The following DENND3 variants were observed in gnomAD, a reference collection of about 807,000 sequenced individuals.
The protein encoded by DENND3 is DENN domain containing 3, also known as DENN domain-containing protein 3.
A neutral mutation model predicts 135.1 loss-of-function variants in DENND3; 88 were observed. That is an observed-to-expected ratio of 0.65 (90% CI 0.55 to 0.78). The LOEUF (loss-of-function observed/expected upper bound fraction) is 0.78. Ranked by LOEUF, DENND3 falls within the 30% of genes least tolerant of loss-of-function variation. The pLI, the probability that DENND3 is intolerant of heterozygous loss-of-function variation, is 0.00. For synonymous variants in DENND3, 693 were observed against 712.3 expected (o/e 0.97, Z 0.43); for missense variants, 1,392 against 1,688.4 (o/e 0.82, Z 3.08).
chr8:141,147,715 C>T (rs930767670), intron 5 of DENND3, among the ~76,000 whole-genome samples: 3 of 152,188 alleles, frequency 2.0e-5, no homozygotes, highest in Non-Finnish European at 2.9e-5. Flanking sequence ...GTTTAATGTT[C>T]GTCTCCCCCA....
chr8:141,192,861 T>G (rs1327396195), intron 22 of DENND3, 198 bp downstream of exon 22: 1 of 1,531,408 alleles, frequency 6.5e-7, no homozygotes, highest in Non-Finnish European at 8.7e-7. Flanking sequence ...CATGGTGTGG[T>G]CCAAGCACTC....
chr8:141,173,119 C>T (rs1821862396), intron 13 of DENND3, among the ~76,000 whole-genome samples: 2 of 150,620 alleles, frequency 1.3e-5, no homozygotes, highest in African/African-American at 2.5e-5. Context: ...GGTACAGAGT[C>T]AGGAGAGGAC....
Position 141,166,891 on chromosome 8 carries a change from G to A in DENND3, c.1753+502G>A, listed in dbSNP as rs1280324381. ...ATTTCCACAGAGATGGGACTGCATG[G>A]AGAGGCCAAGCCCAGCCTCGCGCCT... is the stretch of plus-strand genomic sequence containing the variant. On this transcript the variant is annotated intron_variant, in intron 12 of 22. Coordinates refer to ENST00000519811, the MANE Select transcript of DENND3 (RefSeq NM_001352890.3). The surrounding 1 kb of genome is among the most constrained non-coding windows in gnomAD (Gnocchi z 4.3). 1.3e-5 allele frequency among the ~76,000 whole-genome samples: 2 copies of A among 152,196 alleles called. No individual in the cohort carries two copies. The highest frequency in any genetic ancestry group is 6.5e-5 in the Admixed American group (1 of 15,284).
At position 141,174,169 on chromosome 8, in the gene DENND3, G is replaced by A. The variant is rs924526437; in HGVS notation, c.2276-1031G>A. Among the ~76,000 whole-genome samples the A allele has an allele frequency of 1.3e-5, 2 of 152,198 alleles. No individual in the cohort carries two copies. Among genetic ancestry groups the A allele is most frequent in the African/African-American group, 4.8e-5 (2 of 41,438 alleles). On this transcript the variant is annotated intron_variant, in intron 13 of 22. Coordinates refer to ENST00000519811, the MANE Select transcript of DENND3 (RefSeq NM_001352890.3). This position sits in a 1 kb window ranked among gnomAD's most constrained non-coding sequence, Gnocchi z 4.6. ...GGAGCATGCTTGGTACGGCTGGGCT[G>A]TGGGGTGGGTAGGTGGGGCCCAATC...
At position 141,178,219 on chromosome 8, in the gene DENND3, G is replaced by A. The variant is rs138519538; in HGVS notation, c.2836+23G>A. On this transcript the variant is annotated intron_variant, in intron 16 of 22. Transcript: ENST00000519811. ...AAAGTAAGATAAGCCCGTTCTTAGC[G>A]TGGATCATTGTCCTGATTACACGCC... is the stretch of plus-strand genomic sequence containing the variant. The A allele has an allele frequency of 4.8e-3, 7,740 of 1,600,074 alleles. 53 individuals are homozygous for A. Among genetic ancestry groups the A allele is most frequent in the Middle Eastern group, 0.026 (154 of 6,022 alleles).
rs1820804611 is a variant in DENND3, at chr8:141,166,419, G to A, written c.1753+30G>A. 7 of 1,590,170 alleles carry A rather than the reference G, an allele frequency of 4.4e-6. No homozygotes were observed. Among genetic ancestry groups the A allele is most frequent in the Non-Finnish European group, 6.0e-6 (7 of 1,169,822 alleles). On this transcript the variant is annotated intron_variant, in intron 12 of 22. Coordinates refer to ENST00000519811, the MANE Select transcript of DENND3 (RefSeq NM_001352890.3). This position sits in a 1 kb window ranked among gnomAD's most constrained non-coding sequence, Gnocchi z 4.3. ...GGGCTGCCCCCCACTGTGGTGCTGT[G>A]TGTCGGTCCCACCATTCCTGCACCT...
intron 15 of DENND3, chr8:141,176,987 G>A (rs928976689): frequency 3.5e-5 from 19 of 546,998 alleles, no homozygotes; most frequent in African/African-American, 3.4e-4. Flanking sequence ...ATGAGAAAAC[G>A]CAGGGCGGTC....
At chr8:141,142,651 T>C (rs1234476798) in intron 4 of DENND3, 3 of 283,076 alleles carry the variant, frequency 1.1e-5, no homozygotes, top group African/African-American at 4.7e-5. Context: ...ATTGAGCACA[T>C]GCATGTTTGT....
intron 20 of DENND3, 152 bp from the exon 21 acceptor site, chr8:141,192,179 A>G (rs985043882): frequency 5.1e-5 from 51 of 997,150 alleles, no homozygotes; most frequent in Non-Finnish European, 6.9e-5. Flanking sequence ...TTTTCCCAGT[A>G]GACCTCACCT....
In DENND3 at chr8:141,134,955, C is replaced by T. The variant is rs139805251; in HGVS notation, c.103-1554C>T. Among the ~76,000 whole-genome samples the T allele has an allele frequency of 5.6e-3, 856 of 152,064 alleles. 9 individuals are homozygous for T. Among genetic ancestry groups the T allele is most frequent in the African/African-American group, 0.019 (780 of 41,482 alleles). On this transcript the variant is annotated intron_variant, in intron 1 of 22. Coordinates refer to ENST00000519811, the MANE Select transcript of DENND3 (RefSeq NM_001352890.3). ...ATGCCATTCTCCTGCCTCAGCCCCC[C>T]GCCCGGCCGAGTAGCTGGGACTGCA...
intron 19 of DENND3, 26 bp from the exon 20 acceptor site, chr8:141,190,258 T>G (rs1824540058): frequency 1.4e-6 from 2 of 1,465,372 alleles, no homozygotes; most frequent in African/African-American, 1.4e-5. Context: ...AAGTTAAAGG[T>G]GTGTGTGTGT....
At position 141,182,190 on chromosome 8, in the gene DENND3, CT is replaced by C; in HGVS notation, c.2944+1337del. On this transcript the variant is annotated intron_variant, in intron 17 of 22. Coordinates refer to ENST00000519811, the MANE Select transcript of DENND3 (RefSeq NM_001352890.3). This position sits in a 1 kb window ranked among gnomAD's most constrained non-coding sequence, Gnocchi z 5.9. ...GGGATGCAGATGTAGGTGTCACCCC[CT>C]CTCACAGGCCATGTCCGCGGCTTCA... 1 of 456,860 alleles carries C rather than the reference CT, an allele frequency of 2.2e-6. No individual in the cohort carries two copies. Among genetic ancestry groups the C allele is most frequent in the Non-Finnish European group, 2.9e-6 (1 of 346,998 alleles). The allele number at this position is 456,860 out of a possible 1,614,324, so 28.3% of individuals were successfully genotyped here. A position where few individuals can be genotyped will look rare whatever the true frequency, so the allele number is the denominator to read the frequency against.
At chr8:141,132,847 G>A (rs1204626718) in intron 1 of DENND3, among the ~76,000 whole-genome samples, 1 of 152,314 alleles carries the variant, frequency 6.6e-6, no homozygotes, top group East Asian at 1.9e-4. Flanking sequence ...AGTCTAGTGT[G>A]ATCACCAGTG....
At chr8:141,161,449 A>T (rs1475522989) in intron 9 of DENND3, among the ~76,000 whole-genome samples, 1 of 152,250 alleles carries the variant, frequency 6.6e-6, no homozygotes, top group African/African-American at 2.4e-5. Context: ...GGTTAAGTGG[A>T]CAAGTCAAGT....
chr8:141,171,076 T>C (rs536931251), intron 13 of DENND3, among the ~76,000 whole-genome samples: 1 of 152,312 alleles, frequency 6.6e-6, no homozygotes, highest in East Asian at 1.9e-4. Context: ...AGTGGCCCTG[T>C]TGTCACTTTG....
rs1421076811 is a variant in DENND3 at position 141,168,102 on chromosome 8, G to A, written c.1852G>A (p.Val618Ile). The change falls in exon 13 of 23, where the codon GTC becomes ATC. Residue 618 changes from valine (V) to isoleucine (I), a missense_variant. Transcript: ENST00000519811. This position sits in a 1 kb window ranked among gnomAD's most constrained non-coding sequence, Gnocchi z 6.2. ...KCVQAYHAHF[V>I]SMLSEAMCFL... ...CGTGCAGGCATACCATGCCCACTTT[G>A]TCTCCATGCTGAGCGAGGCCATGTG... 1 of 1,614,184 alleles carries A rather than the reference G, an allele frequency of 6.2e-7. No homozygotes were observed. Among genetic ancestry groups the A allele is most frequent in the Non-Finnish European group, 8.5e-7 (1 of 1,180,044 alleles).
chr8:141,166,462 A>C lies in DENND3; in HGVS notation c.1753+73A>C. The C allele has an allele frequency of 6.7e-7, 1 of 1,492,830 alleles. No individual in the cohort carries two copies. The highest frequency in any genetic ancestry group is 9.0e-7 in the Non-Finnish European group (1 of 1,109,462). 92.5% of individuals were successfully genotyped at this position (1,492,830 alleles called of 1,614,324 possible). The stretch of plus-strand genomic sequence containing the variant: ...CTGCACCTGCAAGTCATTGAGCAAA[A>C]CTGGGACTTGTTTCAGGAGAGACGA... On this transcript the variant is annotated intron_variant, in intron 12 of 22. Coordinates refer to ENST00000519811, the MANE Select transcript of DENND3 (RefSeq NM_001352890.3). This position sits in a 1 kb window ranked among gnomAD's most constrained non-coding sequence, Gnocchi z 4.3.
chr8:141,147,400 C>T (rs1818282764), intron 5 of DENND3, among the ~76,000 whole-genome samples: 1 of 152,374 alleles, frequency 6.6e-6, no homozygotes, highest in South Asian at 2.1e-4. Flanking sequence ...GCAGCCTGGA[C>T]CCTGTCTCAC....
chr8:141,160,673 A>G lies in DENND3; in HGVS notation c.1238A>G (p.His413Arg). ...LQLHHELHAAHLLSSTDLKEG... is the reference protein window; with the variant it reads ...LQLHHELHAARLLSSTDLKEG... ...CTCCACCATGAGCTGCACGCCGCCC[A>G]CCTCCTCTCCAGCACAGACCTGAAG... The change falls in exon 9 of 23, where the codon CAC becomes CGC. Residue 413 changes from histidine to arginine, a missense_variant. Physicochemically the swap from His to Arg is conservative, Grantham distance 29. Transcript: ENST00000519811. 1.9e-6 allele frequency: 3 copies of G among 1,611,910 alleles called. No homozygotes were observed. The highest frequency in any genetic ancestry group is 2.2e-5 in the South Asian group (2 of 90,998).
Sources: allele counts gnomAD v4.1 joint callset (sites outside exome capture counted in the v4.1 genomes callset), GRCh38; gene constraint gnomAD v4.1.1; non-coding constraint Gnocchi (gnomAD v3.1); transcripts MANE v1.5; gene names NCBI Gene and HGNC (gene_info 2026-07-23, HGNC 2026-07-21).